The following CLASP2 variants were observed in gnomAD, a reference collection of about 807,000 sequenced individuals.
CLASP2 encodes cytoplasmic linker associated protein 2, also known as CLIP-associating protein 2.
In CLASP2, 47 loss-of-function variants were observed where a neutral mutation model predicts 194.4. The ratio of observed to expected loss-of-function variants is 0.24; its 90% CI spans 0.19 to 0.31. CLASP2 has a LOEUF of 0.31. Ranked by LOEUF, CLASP2 falls within the 10% of genes least tolerant of loss-of-function variation. The pLI, the probability that CLASP2 is intolerant of heterozygous loss-of-function variation, is 1.00. For synonymous variants in CLASP2, 619 were observed against 633.5 expected (o/e 0.98, Z 0.34); for missense variants, 1,445 against 1,823.6 (o/e 0.79, Z 3.78).
chr3:33,677,847 A>G (rs968509315), intron 6 of CLASP2, among the ~76,000 whole-genome samples: 1 of 150,692 alleles, frequency 6.6e-6, no homozygotes, highest in African/African-American at 2.4e-5. Flanking sequence ...TAAGGGCTCC[A>G]AAGAATGAGG....
At chr3:33,603,814 G>A (rs970982580) in intron 17 of CLASP2, among the ~76,000 whole-genome samples, 6 of 151,990 alleles carry the variant, frequency 3.9e-5, no homozygotes, top group Non-Finnish European at 8.8e-5. Flanking sequence ...GTGGAGATGG[G>A]GTCTCCCCAT....
intron 26 of CLASP2, among the ~76,000 whole-genome samples, chr3:33,568,293 T>C (rs942092286): frequency 2.0e-5 from 3 of 152,028 alleles, no homozygotes; most frequent in African/African-American, 7.2e-5. Context: ...TGGCTCACGC[T>C]TGTCATCACA....
chr3:33,542,617 CAT>C (rs1456071509), intron 32 of CLASP2, among the ~76,000 whole-genome samples: 13 of 149,668 alleles, frequency 8.7e-5, no homozygotes, highest in South Asian at 4.2e-4. Flanking sequence ...TGATATATGA[CAT>C]GTTATATATG....
At chr3:33,524,962 A>G (rs1253287628) in intron 34 of CLASP2, among the ~76,000 whole-genome samples, 2 of 152,230 alleles carry the variant, frequency 1.3e-5, no homozygotes, top group African/African-American at 4.8e-5. Flanking sequence ...ACAATAAAAC[A>G]ACTACATCCA....
intron 34 of CLASP2, among the ~76,000 whole-genome samples, chr3:33,521,436 G>C (rs917926490): frequency 6.6e-6 from 1 of 152,060 alleles, no homozygotes; most frequent in Non-Finnish European, 1.5e-5. Context: ...ACTAGATAGG[G>C]TGCAATGAAA....
chr3:33,509,224 T>C (rs1033043922), intron 37 of CLASP2, among the ~76,000 whole-genome samples: 1 of 152,256 alleles, frequency 6.6e-6, no homozygotes, highest in Non-Finnish European at 1.5e-5. Context: ...ATCTATCTGA[T>C]ATGTGTATTG....
chr3:33,507,948 G>C (rs113951797), intron 37 of CLASP2, among the ~76,000 whole-genome samples: 8 of 150,984 alleles, frequency 5.3e-5, no homozygotes, highest in African/African-American at 1.5e-4. Flanking sequence ...TTGTTTCAAT[G>C]AGGCCAAATA....
intron 8 of CLASP2, among the ~76,000 whole-genome samples, chr3:33,639,448 T>C (rs927724587): frequency 3.3e-5 from 5 of 152,174 alleles, no homozygotes; most frequent in Non-Finnish European, 7.3e-5. Context: ...ATAGAAAGGC[T>C]AGGTCTTTAG....
chr3:33,701,457 A>T (rs1326294393), intron 1 of CLASP2, among the ~76,000 whole-genome samples: 1 of 152,228 alleles, frequency 6.6e-6, no homozygotes, highest in South Asian at 2.1e-4. Flanking sequence ...GTAGCTGGCC[A>T]TGGTGGCACA....
At position 33,592,493 on chromosome 3, in the gene CLASP2, C is replaced by T. The variant is rs1164952127; in HGVS notation, c.1970G>A (p.Arg657Gln). 9 of 1,608,720 alleles carry T rather than the reference C, an allele frequency of 5.6e-6. No individual in the cohort carries two copies. Among genetic ancestry groups the T allele is most frequent in the Middle Eastern group, 1.7e-4 (1 of 6,056 alleles). ...TGGTGCTGAAAGTTTTGCTCTCACCCGGCCTGAGAAATAAAATATTTACAT... is the reference window on the plus strand; with the variant it reads ...TGGTGCTGAAAGTTTTGCTCTCACCTGGCCTGAGAAATAAAATATTTACAT... ...KLDGTASEDG[R>Q]VRAKLSAPLA... Residue 657 changes from arginine (R) to glutamine (Q), a missense_variant, in exon 21 of 39, where the codon CGG (arginine) becomes CAG (glutamine). Physicochemically the swap from Arg to Gln is conservative, Grantham distance 43. Coordinates refer to ENST00000682230, the MANE Select transcript of CLASP2 (RefSeq NM_001365631.1).
intron 26 of CLASP2, among the ~76,000 whole-genome samples, chr3:33,567,729 C>T (rs1209832934): frequency 3.9e-5 from 6 of 152,164 alleles, no homozygotes; most frequent in Non-Finnish European, 5.9e-5. Flanking sequence ...GTACATACTG[C>T]TAATAAATTG....
In CLASP2 at chr3:33,613,340, C is replaced by A. The variant is rs551591417; in HGVS notation, c.1318-1269G>T. Among the ~76,000 whole-genome samples the A allele has an allele frequency of 7.2e-5, 11 of 152,246 alleles. No individual in the cohort carries two copies. The South Asian group carries it at 2.3e-3, about 32-fold the overall frequency. On this transcript the variant is annotated intron_variant, in intron 12 of 38. Transcript: ENST00000682230. ...ATACTCTTGAATTGGTCCAAGATGG[C>A]CAAACCTTTATACTTCCACATCAAT...
chr3:33,573,582 G>A, intron 24 of CLASP2: 1 of 568,760 alleles, frequency 1.8e-6, no homozygotes, highest in Non-Finnish European at 3.1e-6. Flanking sequence ...TAGAAGCAGA[G>A]TAAGACTATA....
At chr3:33,644,701 TG>T in intron 8 of CLASP2, 55 bp downstream of exon 8, 2 of 1,582,796 alleles carry the variant, frequency 1.3e-6, no homozygotes, top group Non-Finnish European at 1.7e-6. Flanking sequence ...CAAGTATGTG[TG>T]GCCATATCAA....
intron 21 of CLASP2, among the ~76,000 whole-genome samples, chr3:33,587,863 A>C (rs2067771395): frequency 1.3e-5 from 2 of 152,232 alleles, no homozygotes; most frequent in African/African-American, 2.4e-5. Context: ...ACTCGCAACA[A>C]TATAAAAAGT....
intron 2 of CLASP2, among the ~76,000 whole-genome samples, chr3:33,693,117 A>T (rs925577918): frequency 6.6e-6 from 1 of 152,048 alleles, no homozygotes; most frequent in African/African-American, 2.4e-5. Flanking sequence ...TTTGAAAATT[A>T]TATTTTTCCA....
Position 33,592,382 on chromosome 3 carries a change from A to G in CLASP2, c.2068+13T>C. 1 of 1,571,716 alleles carries G rather than the reference A, an allele frequency of 6.4e-7. No individual in the cohort carries two copies. The highest frequency in any genetic ancestry group is 8.8e-7 in the Non-Finnish European group (1 of 1,142,706). On this transcript the variant is annotated intron_variant, in intron 21 of 38. Transcript: ENST00000682230. ...TAGTGACAAATATAGGAGGGCTGATAAGCAATACATACGCTGTGATTGAGA... is the reference window on the plus strand; with the variant it reads ...TAGTGACAAATATAGGAGGGCTGATGAGCAATACATACGCTGTGATTGAGA...
At chr3:33,597,400 G>T (rs1366517598) in intron 18 of CLASP2, among the ~76,000 whole-genome samples, 1 of 152,176 alleles carries the variant, frequency 6.6e-6, no homozygotes, top group East Asian at 1.9e-4. Flanking sequence ...CTTAAGAAGT[G>T]TATGCTTGTG....
intron 22 of CLASP2, among the ~76,000 whole-genome samples, chr3:33,584,139 A>G (rs973226745): frequency 1.3e-4 from 20 of 152,192 alleles, no homozygotes; most frequent in African/African-American, 4.8e-4. Context: ...TATAACACGA[A>G]TGTCAAACAC....
Sources: gnomAD v4.1 joint callset for allele counts (sites outside exome capture counted in the v4.1 genomes callset) on GRCh38, gnomAD v4.1.1 for gene constraint, MANE v1.5 for transcripts, NCBI Gene and HGNC (gene_info 2026-07-23, HGNC 2026-07-21) for gene names.